The following MBD2 variants were observed in gnomAD, a reference collection of about 807,000 sequenced individuals.
The protein encoded by MBD2 is methyl-CpG-binding domain protein 2.
Under a neutral mutation model 39.3 loss-of-function variants are expected in MBD2, and 9 were observed. That is an observed-to-expected ratio of 0.23 (90% CI 0.14 to 0.40). MBD2 has a LOEUF of 0.40. Among genes scored for constraint, MBD2 ranks in the 10% least tolerant of loss-of-function variants. The pLI, the probability that MBD2 is intolerant of heterozygous loss-of-function variation, is 1.00. For synonymous variants in MBD2, 233 were observed against 211.1 expected, an observed-to-expected ratio of 1.10 and a Z score of -0.90; for missense variants, 458 against 532.6, an observed-to-expected ratio of 0.86 and a Z score of 1.38.
chr18:54,188,816 G>A (rs969750614), intron 3 of MBD2, 58 bp downstream of exon 3: 2 of 1,506,318 alleles, frequency 1.3e-6, no homozygotes, highest in African/African-American at 2.8e-5. Flanking sequence ...AATTATTTCT[G>A]GTAAAAATAC....
intron 2 of MBD2, among the ~76,000 whole-genome samples, chr18:54,195,845 A>G (rs978822938): frequency 1.3e-5 from 2 of 152,192 alleles, no homozygotes; most frequent in Non-Finnish European, 2.9e-5. Flanking sequence ...AAATTTAGAA[A>G]TTTAACCTGT....
intron 3 of MBD2, among the ~76,000 whole-genome samples, chr18:54,174,613 A>G (rs1413648267): frequency 6.6e-6 from 1 of 152,248 alleles, no homozygotes; most frequent in Non-Finnish European, 1.5e-5. Context: ...TTGATAGTCA[A>G]TGTATTTGCT....
At position 54,151,612 on chromosome 18, in the gene MBD2, A is replaced by G. The variant is rs746700559; in HGVS notation, c.*3712T>C. ...AGATGACTTACACAAACAGTTTTAA[A>G]GCTTCAAAATTTATTGCTGTACATT... On this transcript the variant is annotated 3_prime_UTR_variant, in exon 7 of 7. Transcript: ENST00000256429. The G allele has an allele frequency of 6.6e-6, 1 of 152,200 alleles. No individual in the cohort carries two copies. The highest frequency in any genetic ancestry group is 1.5e-5 in the Non-Finnish European group (1 of 68,040). The allele number at this position is 152,200 out of a possible 1,614,324, so 9.4% of individuals were successfully genotyped here.
chr18:54,164,778 ATATTTT>A, intron 4 of MBD2, 78 bp from the exon 5 acceptor site: 2 of 1,119,340 alleles, frequency 1.8e-6, no homozygotes, highest in Non-Finnish European at 2.6e-6. Flanking sequence ...AAAACAACTG[ATATTTT>A]TATATTCATT....
chr18:54,213,023 C>A lies in MBD2; in HGVS notation c.543-7866G>T, dbSNP rs1599109032. ...CTCCAGCCTGGGCAACAGAGCAAGA[C>A]CCTGTCTCAAAAAAAAAAAAATTCC... On this transcript the variant is annotated intron_variant, in intron 1 of 6. Transcript: ENST00000256429. 2.4e-5 allele frequency among the ~76,000 whole-genome samples: 3 copies of A among 124,750 alleles called. No individual in the cohort carries two copies. In the South Asian group the frequency reaches 7.3e-4, roughly 30 times the overall value. The allele number at this position is 124,750 out of a possible 152,430, so 81.8% of individuals were successfully genotyped here. A position where few individuals can be genotyped will look rare whatever the true frequency, so the allele number is the denominator to read the frequency against.
intron 2 of MBD2, among the ~76,000 whole-genome samples, chr18:54,195,881 C>T (rs2086361983): frequency 6.6e-6 from 1 of 152,078 alleles, no homozygotes; most frequent in Non-Finnish European, 1.5e-5. Flanking sequence ...ATAAAGCTAT[C>T]CCCTGGTTCA....
rs748792138 is a variant in MBD2, at chr18:54,164,528, G to A, written c.1104C>T (p.Asp368=). The part of the protein sequence containing the change: ...LCKAFIVTDE[D]IRKQEERVQQ... The stretch of plus-strand genomic sequence containing the variant: ...GTCATGTTAAACTGCATTACCTGAT[G>A]TCTTCATCTGTGACAATAAAAGCTT... Residue 368 remains aspartate (D), a synonymous_variant, in exon 5 of 7, where the codon GAC becomes GAT. Transcript: ENST00000256429. 3 of 1,609,176 alleles carry A rather than the reference G, an allele frequency of 1.9e-6. No individual in the cohort carries two copies. Among genetic ancestry groups the A allele is most frequent in the Admixed American group, 1.7e-5 (1 of 59,978 alleles).
chr18:54,222,652 A>G (rs1282567169), intron 1 of MBD2, among the ~76,000 whole-genome samples: 1 of 152,214 alleles, frequency 6.6e-6, no homozygotes, highest in African/African-American at 2.4e-5. Context: ...CCATTTTATC[A>G]TATGAGGTTT....
At chr18:54,220,080 C>T (rs530824479) in intron 1 of MBD2, among the ~76,000 whole-genome samples, 39 of 152,232 alleles carry the variant, frequency 2.6e-4, no homozygotes, top group Non-Finnish European at 5.0e-4. Context: ...GGATTACAGG[C>T]GTGAGCCACA....
intron 1 of MBD2, among the ~76,000 whole-genome samples, chr18:54,215,189 AC>A (rs1043771850): frequency 3.9e-5 from 6 of 152,236 alleles, no homozygotes; most frequent in Non-Finnish European, 8.8e-5. Flanking sequence ...AACCAGGACA[AC>A]CAAAGTGTGG....
At position 54,154,798 on chromosome 18, in the gene MBD2, T is replaced by C. The variant is rs1278829859; in HGVS notation, c.*526A>G. 6.6e-6 allele frequency: 1 copy of C among 152,658 alleles called. No homozygotes were observed. Among genetic ancestry groups the C allele is most frequent in the Non-Finnish European group, 1.5e-5 (1 of 68,044 alleles). The allele number at this position is 152,658 out of a possible 1,614,324, so 9.5% of individuals were successfully genotyped here. A position where few individuals can be genotyped will look rare whatever the true frequency, so the allele number is the denominator to read the frequency against. ...TCAGAGGAAGGCTAACGAGGGGTTCTTTATTGTGTGTGCTTTTCAACAGAA... is the reference window on the plus strand; with the variant it reads ...TCAGAGGAAGGCTAACGAGGGGTTCCTTATTGTGTGTGCTTTTCAACAGAA... On this transcript the variant is annotated 3_prime_UTR_variant, in exon 7 of 7. Coordinates refer to ENST00000256429, the MANE Select transcript of MBD2 (RefSeq NM_003927.5).
chr18:54,162,998 G>A (rs2086107499), intron 5 of MBD2, among the ~76,000 whole-genome samples: 1 of 152,122 alleles, frequency 6.6e-6, no homozygotes, highest in Non-Finnish European at 1.5e-5. Flanking sequence ...GGGCGTGGTG[G>A]CTCACACCTG....
At chr18:54,184,964 T>C (rs1338684714) in intron 3 of MBD2, among the ~76,000 whole-genome samples, 1 of 152,220 alleles carries the variant, frequency 6.6e-6, no homozygotes, top group Non-Finnish European at 1.5e-5. Context: ...TATCTATTTG[T>C]CAGTCATTAA....
At chr18:54,166,760 T>C (rs1392100135) in intron 3 of MBD2, among the ~76,000 whole-genome samples, 1 of 152,146 alleles carries the variant, frequency 6.6e-6, no homozygotes, top group African/African-American at 2.4e-5. Flanking sequence ...AGGGCCTGGG[T>C]CACCATGGTC....
intron 2 of MBD2, among the ~76,000 whole-genome samples, chr18:54,197,706 T>C (rs2086376926): frequency 6.6e-6 from 1 of 152,182 alleles, no homozygotes; most frequent in African/African-American, 2.4e-5. Flanking sequence ...TTAGAATCTG[T>C]CCACTTCTAT....
chr18:54,182,633 AT>A (rs1169274513), intron 3 of MBD2, among the ~76,000 whole-genome samples: 2 of 152,326 alleles, frequency 1.3e-5, no homozygotes, highest in East Asian at 3.9e-4. Context: ...GTATAACACT[AT>A]TAACACTATC....
intron 5 of MBD2, 69 bp downstream of exon 5, chr18:54,164,454 T>A: frequency 7.0e-7 from 1 of 1,422,918 alleles, no homozygotes; most frequent in Non-Finnish European, 9.8e-7. Flanking sequence ...CCACTGAACC[T>A]AATGAACAGT....
intron 2 of MBD2, among the ~76,000 whole-genome samples, chr18:54,201,079 CAAA>C (rs11293678): frequency 3.2e-5 from 3 of 95,066 alleles, no homozygotes; most frequent in Non-Finnish European, 6.7e-5. Flanking sequence ...GACCCCGTCT[CAAA>C]AAAAAAAAAA....
At chr18:54,168,092 T>C (rs1468443235) in intron 3 of MBD2, among the ~76,000 whole-genome samples, 1 of 151,076 alleles carries the variant, frequency 6.6e-6, no homozygotes. Context: ...TATATACAAT[T>C]ATAAAAGCAC....
Sources: allele counts gnomAD v4.1 joint callset (sites outside exome capture counted in the v4.1 genomes callset), GRCh38; gene constraint gnomAD v4.1.1; transcripts MANE v1.5; gene names NCBI Gene and HGNC (gene_info 2026-07-23, HGNC 2026-07-21).